The following SLIT2 variants were observed in gnomAD, a reference collection of about 807,000 sequenced individuals.
The protein encoded by SLIT2 is slit guidance ligand 2.
Under a neutral mutation model 185.7 loss-of-function variants are expected in SLIT2, and 41 were observed. The ratio of observed to expected loss-of-function variants is 0.22; its 90% CI spans 0.17 to 0.29. The LOEUF is 0.29. Among genes scored for constraint, SLIT2 ranks in the 10% least tolerant of loss-of-function variants. SLIT2 has a pLI of 1.00. For synonymous variants in SLIT2, 693 were observed against 680.2 expected (o/e 1.02, Z -0.29); for missense variants, 1,571 against 1,909.0 (o/e 0.82, Z 3.30).
chr4:20,487,893 A>G (rs1473961415), intron 7 of SLIT2, among the ~76,000 whole-genome samples: 1 of 152,208 alleles, frequency 6.6e-6, no homozygotes, highest in East Asian at 1.9e-4. Flanking sequence ...ATGTTTTAAT[A>G]TCCATTACTG....
rs556820386 is a variant in SLIT2, at chr4:20,617,295, G to A, written c.4136+97G>A. ...AGAAGAAGGGGAGGGGACGGGAAGG[G>A]AGGGGAGGGGAGGGGAGGTTCGTTA... is the stretch of plus-strand genomic sequence containing the variant. On this transcript the variant is annotated intron_variant, in intron 35 of 36. Coordinates refer to ENST00000504154, the MANE Select transcript of SLIT2 (RefSeq NM_004787.4). The A allele has an allele frequency of 4.4e-6, 4 of 916,378 alleles. No individual in the cohort carries two copies. The South Asian group carries it at 4.7e-5, about 11-fold the overall frequency. 56.8% of individuals were successfully genotyped at this position (916,378 alleles called of 1,614,324 possible). A position where few individuals can be genotyped will look rare whatever the true frequency, so the allele number is the denominator to read the frequency against.
intron 4 of SLIT2, among the ~76,000 whole-genome samples, chr4:20,387,663 C>T (rs7677207): frequency 0.21 from 31,650 of 152,016 alleles, 3,659 homozygotes; most frequent in Non-Finnish European, 0.27. Flanking sequence ...CAGCCAGTGC[C>T]GGTTCCCAGA....
intron 4 of SLIT2, among the ~76,000 whole-genome samples, chr4:20,379,709 A>T (rs993122901): frequency 1.3e-5 from 2 of 152,174 alleles, no homozygotes; most frequent in African/African-American, 4.8e-5. Flanking sequence ...TAATGAAAAT[A>T]TATGGAACAA....
Position 20,298,799 on chromosome 4 carries a change from C to A in SLIT2, c.395+29918C>A, listed in dbSNP as rs190774926. 9.2e-5 allele frequency among the ~76,000 whole-genome samples: 14 copies of A among 152,274 alleles called. No homozygotes were observed. In the East Asian group the frequency reaches 2.7e-3, roughly 29 times the overall value. On this transcript the variant is annotated intron_variant, in intron 4 of 36. Coordinates refer to ENST00000504154, the MANE Select transcript of SLIT2 (RefSeq NM_004787.4). Reference sequence around the variant, plus strand: ...TTTTAATTTATTTCTTTGTTTTCCCCTTCACAATGTCTTATTTCAATAAAA... The same window carrying A: ...TTTTAATTTATTTCTTTGTTTTCCCATTCACAATGTCTTATTTCAATAAAA...
chr4:20,341,221 C>T (rs1484095209), intron 4 of SLIT2, among the ~76,000 whole-genome samples: 1 of 152,128 alleles, frequency 6.6e-6, no homozygotes, highest in African/African-American at 2.4e-5. Flanking sequence ...TAGACTTTAG[C>T]AAAGGAGAGC....
chr4:20,431,115 G>A (rs1222285711), intron 4 of SLIT2, among the ~76,000 whole-genome samples: 1 of 152,144 alleles, frequency 6.6e-6, no homozygotes. Context: ...TTTTTCTCAG[G>A]CCCCAGAAAT....
At chr4:20,367,515 A>G (rs1723212639) in intron 4 of SLIT2, among the ~76,000 whole-genome samples, 1 of 152,304 alleles carries the variant, frequency 6.6e-6, no homozygotes, top group South Asian at 2.1e-4. Context: ...GACATTTGAT[A>G]TATTTTTAAG....
intron 33 of SLIT2, among the ~76,000 whole-genome samples, chr4:20,604,383 T>C (rs1038498935): frequency 2.0e-5 from 3 of 152,252 alleles, no homozygotes; most frequent in Non-Finnish European, 4.4e-5. Context: ...AGAGTCTTGC[T>C]CTGTCGCCCA....
chr4:20,462,472 A>T (rs1242208109), intron 4 of SLIT2, among the ~76,000 whole-genome samples: 1 of 152,116 alleles, frequency 6.6e-6, no homozygotes, highest in East Asian at 1.9e-4. Flanking sequence ...TATTCAGCAA[A>T]CTTGAATGGC....
chr4:20,393,191 GT>G (rs1167769523), intron 4 of SLIT2, among the ~76,000 whole-genome samples: 2 of 151,978 alleles, frequency 1.3e-5, no homozygotes, highest in Non-Finnish European at 2.9e-5. Context: ...TGACTGAGAC[GT>G]CTTTATATGG....
At chr4:20,418,819 C>T (rs2109455667) in intron 4 of SLIT2, among the ~76,000 whole-genome samples, 1 of 152,240 alleles carries the variant, frequency 6.6e-6, no homozygotes, top group East Asian at 1.9e-4. Context: ...TACACATACA[C>T]AAATGATATC....
intron 35 of SLIT2, 41 bp downstream of exon 35, chr4:20,617,239 G>A (rs1324290802): frequency 2.3e-6 from 3 of 1,280,884 alleles, no homozygotes; most frequent in South Asian, 1.3e-5. Flanking sequence ...ACACCTGAAA[G>A]CCTCAAAGCC....
At chr4:20,282,531 T>C (rs188383030) in intron 4 of SLIT2, among the ~76,000 whole-genome samples, 14 of 152,294 alleles carry the variant, frequency 9.2e-5, no homozygotes, top group African/African-American at 3.4e-4. Flanking sequence ...ACTAATTTTA[T>C]ATTATATTTC....
chr4:20,550,912 T>G lies in SLIT2; in HGVS notation c.2561+14T>G, dbSNP rs761307188. 29 of 1,511,230 alleles carry G rather than the reference T, an allele frequency of 1.9e-5. No individual in the cohort carries two copies. In the Admixed American group the frequency reaches 4.9e-4, roughly 25 times the overall value. The allele number at this position is 1,511,230 out of a possible 1,614,324, so 93.6% of individuals were successfully genotyped here. A position where few individuals can be genotyped will look rare whatever the true frequency, so the allele number is the denominator to read the frequency against. ...ATTATCACATCTGTGAGTACCTAGTTTATGAATATAGGTTTAGGGTCAAAC... is the reference window on the plus strand; with the variant it reads ...ATTATCACATCTGTGAGTACCTAGTGTATGAATATAGGTTTAGGGTCAAAC... On this transcript the variant is annotated intron_variant, in intron 25 of 36. Coordinates refer to ENST00000504154, the MANE Select transcript of SLIT2 (RefSeq NM_004787.4).
intron 1 of SLIT2, among the ~76,000 whole-genome samples, chr4:20,256,186 A>AT (rs1711805268): frequency 6.6e-6 from 1 of 152,076 alleles, no homozygotes; most frequent in Non-Finnish European, 1.5e-5. Flanking sequence ...GATGGCACTA[A>AT]TTTTTTTCTG....
chr4:20,437,435 G>T (rs1175104828), intron 4 of SLIT2, among the ~76,000 whole-genome samples: 1 of 152,124 alleles, frequency 6.6e-6, no homozygotes, highest in East Asian at 1.9e-4. Context: ...GGCAACATAG[G>T]GAGACCCTGT....
At chr4:20,518,273 GAC>G (rs546484664) in intron 11 of SLIT2, among the ~76,000 whole-genome samples, 2,984 of 119,242 alleles carry the variant, frequency 0.025, 208 homozygotes, top group African/African-American at 0.093. Context: ...TTTTTTTTGA[GAC>G]AGAGTCTCGC....
Position 20,519,455 on chromosome 4 carries a change from T to C in SLIT2, c.1130+2T>C. 6.5e-7 allele frequency: 1 copy of C among 1,545,024 alleles called. No homozygotes were observed. Among genetic ancestry groups the C allele is most frequent in the Non-Finnish European group, 8.9e-7 (1 of 1,118,746 alleles). Reference sequence around the variant, plus strand: ...AGGACTGTTTTCCTTACAGCTCCTGTAAGTATTTGATTGTTTTGGATCTCT... The same window carrying C: ...AGGACTGTTTTCCTTACAGCTCCTGCAAGTATTTGATTGTTTTGGATCTCT... On this transcript the variant is annotated splice_donor_variant, in intron 12 of 36. Coordinates refer to ENST00000504154, the MANE Select transcript of SLIT2 (RefSeq NM_004787.4). LOFTEE classifies it high-confidence loss of function.
intron 4 of SLIT2, among the ~76,000 whole-genome samples, chr4:20,308,560 T>C (rs1223235228): frequency 1.3e-5 from 2 of 152,122 alleles, no homozygotes; most frequent in Non-Finnish European, 2.9e-5. Flanking sequence ...CCTTGAAAAG[T>C]AATCCAGTTG....
Sources: gnomAD v4.1 joint callset for allele counts (sites outside exome capture counted in the v4.1 genomes callset) on GRCh38, gnomAD v4.1.1 for gene constraint, MANE v1.5 for transcripts, NCBI Gene and HGNC (gene_info 2026-07-23, HGNC 2026-07-21) for gene names.